Variants in SSUH2 observed in about 807,000 individuals in gnomAD.
The protein encoded by SSUH2 is protein SSUH2 homolog.
SSUH2 carries 47 observed loss-of-function variants against 55.3 expected under a neutral mutation model. The ratio of observed to expected loss-of-function variants is 0.85; its 90% CI spans 0.67 to 1.08. The LOEUF is 1.08. Among genes scored for constraint, SSUH2 ranks in the 50% least tolerant of loss-of-function variants. SSUH2 has a pLI of 0.00. For synonymous variants in SSUH2, 212 were observed against 191.5 expected (o/e 1.11, Z -0.89); for missense variants, 535 against 490.7 (o/e 1.09, Z -0.85).
intron 5 of SSUH2, among the ~76,000 whole-genome samples, chr3:8,669,784 T>C (rs1020502072): frequency 1.3e-5 from 2 of 152,170 alleles, no homozygotes; most frequent in Non-Finnish European, 2.9e-5. Context: ...AGGGACATTC[T>C]ATCAAATGCC....
Position 8,652,451 on chromosome 3 carries a change from C to T in SSUH2, c.-307+6474G>A, listed in dbSNP as rs574353627. Among the ~76,000 whole-genome samples the T allele has an allele frequency of 5.3e-5, 8 of 152,358 alleles. No individual in the cohort carries two copies. The South Asian group carries it at 1.7e-3, about 32-fold the overall frequency. The stretch of plus-strand genomic sequence containing the variant: ...GGCATAACCTCAATGCTTATCATGT[C>T]TACCCAGACTGTCTTCTATTCCTGC... On this transcript the variant is annotated intron_variant, in intron 7 of 18. Coordinates refer to the SSUH2 transcript ENST00000317371.
Position 8,659,863 on chromosome 3 carries a change from T to C in SSUH2, c.-395-850A>G, listed in dbSNP as rs1042080414. ...ATTAGAACACAGTCAATAAATGCTATGGAAAGTGGCATGGGTTCATGGGAA... is the reference window on the plus strand; with the variant it reads ...ATTAGAACACAGTCAATAAATGCTACGGAAAGTGGCATGGGTTCATGGGAA... On this transcript the variant is annotated intron_variant, in intron 6 of 18. Coordinates refer to the SSUH2 transcript ENST00000317371. 52 of 451,430 alleles carry C rather than the reference T, an allele frequency of 1.2e-4. 1 individual carries two copies. In the Middle Eastern group the frequency reaches 2.0e-3, roughly 17 times the overall value. The allele number at this position is 451,430 out of a possible 1,614,324, so 28.0% of individuals were successfully genotyped here.
At chr3:8,653,474 C>T (rs1290754425) in intron 7 of SSUH2, among the ~76,000 whole-genome samples, 8 of 152,284 alleles carry the variant, frequency 5.3e-5, no homozygotes, top group African/African-American at 1.4e-4. Context: ...AAATATTGCT[C>T]ATCCTTTTTG....
chr3:8,621,849 G>T (rs910586983), intron 11 of SSUH2, among the ~76,000 whole-genome samples: 1 of 152,188 alleles, frequency 6.6e-6, no homozygotes, highest in African/African-American at 2.4e-5. Flanking sequence ...AGAAGGCCTG[G>T]ACACTGAAGT....
At chr3:8,667,144 A>G (rs1316376282) in intron 5 of SSUH2, among the ~76,000 whole-genome samples, 1 of 152,254 alleles carries the variant, frequency 6.6e-6, no homozygotes, top group African/African-American at 2.4e-5. Flanking sequence ...GAGCAGCAGC[A>G]TGGGCTGCTG....
chr3:8,656,237 T>C (rs573259952), intron 7 of SSUH2, among the ~76,000 whole-genome samples: 2 of 152,360 alleles, frequency 1.3e-5, no homozygotes, highest in Admixed American at 1.3e-4. Flanking sequence ...ACTCTCCCTC[T>C]TTTCCATGTT....
At chr3:8,666,557 C>G (rs1249473264) in intron 5 of SSUH2, among the ~76,000 whole-genome samples, 2 of 152,134 alleles carry the variant, frequency 1.3e-5, no homozygotes, top group African/African-American at 4.8e-5. Context: ...GAAAAACTCT[C>G]CCAAACCATG....
chr3:8,633,857 C>A, intron 3 of SSUH2, 62 bp from the exon 4 acceptor site: 1 of 1,613,546 alleles, frequency 6.2e-7, no homozygotes. Context: ...TCACGCGGGC[C>A]AGCCAGCCTC....
chr3:8,641,861 C>A (rs993425074), intron 1 of SSUH2, among the ~76,000 whole-genome samples: 3 of 152,054 alleles, frequency 2.0e-5, no homozygotes, highest in African/African-American at 7.2e-5. Context: ...TCGTGGAGGG[C>A]AGGGGCATTC....
At chr3:8,663,610 C>A (rs1575341309) in intron 6 of SSUH2, 1 of 305,522 alleles carries the variant, frequency 3.3e-6, no homozygotes, top group Non-Finnish European at 6.6e-6. Context: ...CCAGCCCAGG[C>A]AAGTCCAGGA....
intron 7 of SSUH2, among the ~76,000 whole-genome samples, chr3:8,653,585 C>T (rs1702647762): frequency 1.3e-5 from 2 of 152,296 alleles, no homozygotes; most frequent in African/African-American, 4.8e-5. Context: ...GCAGATTTTA[C>T]ATTTAGCACA....
chr3:8,631,559 T>A (rs549373309), intron 5 of SSUH2, among the ~76,000 whole-genome samples: 7 of 152,176 alleles, frequency 4.6e-5, no homozygotes, highest in Admixed American at 4.6e-4. Context: ...ACACGTGAGC[T>A]GAGTCTTGAA....
Position 8,676,905 on chromosome 3 carries a change from C to A in SSUH2, c.-753+301G>T, listed in dbSNP as rs557694705. On this transcript the variant is annotated intron_variant, in intron 3 of 18. Coordinates refer to the SSUH2 transcript ENST00000317371. ...CCGTGAGGCGGGGACAGAGAGCCAG[C>A]CCCTCTTTCCCCCCTGGCTCTTAGG... is the stretch of plus-strand genomic sequence containing the variant. Among the ~76,000 whole-genome samples the A allele has an allele frequency of 2.7e-5, 4 of 146,524 alleles. No homozygotes were observed. In the South Asian group the frequency reaches 8.8e-4, roughly 32 times the overall value.
intron 1 of SSUH2, chr3:8,681,834 C>G (rs1454221319): frequency 6.3e-6 from 1 of 159,830 alleles, no homozygotes; most frequent in Non-Finnish European, 1.3e-5. Context: ...GAGCCAGCCC[C>G]TCTTCCCCCC....
At chr3:8,667,754 G>A (rs11718984) in intron 5 of SSUH2, among the ~76,000 whole-genome samples, 6,693 of 152,098 alleles carry the variant, frequency 0.044, 206 homozygotes, top group Middle Eastern at 0.071. Flanking sequence ...ATTCTGCCTC[G>A]GCCACTCTGG....
intron 3 of SSUH2, among the ~76,000 whole-genome samples, chr3:8,676,323 CGT>C (rs564056992): frequency 4.6e-5 from 7 of 152,002 alleles, no homozygotes; most frequent in Non-Finnish European, 1.0e-4. Flanking sequence ...TGCGATATCG[CGT>C]GTCATATCCT....
chr3:8,645,767 G>A (rs4684602), upstream of SSUH2, among the ~76,000 whole-genome samples: 67,690 of 151,986 alleles, frequency 0.45, 16,535 homozygotes, highest in East Asian at 0.57. Context: ...CCTAAATGTC[G>A]GCCTGTCTGG....
chr3:8,659,497 C>G, intron 6 of SSUH2: 1 of 243,452 alleles, frequency 4.1e-6, no homozygotes, highest in Non-Finnish European at 8.0e-6. Context: ...GACCTCTGGT[C>G]ATGCACACTG....
At chr3:8,669,350 G>A (rs933226992) in intron 5 of SSUH2, among the ~76,000 whole-genome samples, 1 of 152,098 alleles carries the variant, frequency 6.6e-6, no homozygotes. Flanking sequence ...AAAAGTGATT[G>A]AATAAATAAC....
Sources: gnomAD v4.1 joint callset for allele counts (sites outside exome capture counted in the v4.1 genomes callset) on GRCh38, gnomAD v4.1.1 for gene constraint, MANE v1.5 for transcripts, NCBI Gene and HGNC (gene_info 2026-07-23, HGNC 2026-07-21) for gene names.